Variants in SSC5D observed in about 807,000 individuals in gnomAD.
The protein encoded by SSC5D is scavenger receptor cysteine rich family member with 5 domains.
SSC5D carries 106 observed loss-of-function variants against 104.6 expected under a neutral mutation model. The observed-to-expected ratio is 1.01, with a 90% CI of 0.87 to 1.19. The LOEUF (loss-of-function observed/expected upper bound fraction) is 1.19. SSC5D is among the 50% of genes most tolerant of loss of function. The pLI is 0.00. For synonymous variants in SSC5D, 860 were observed against 883.5 expected, an observed-to-expected ratio of 0.97 and a Z score of 0.47; for missense variants, 1,993 against 2,153.8, an observed-to-expected ratio of 0.93 and a Z score of 1.48.
chr19:55,504,046 C>G, intron 12 of SSC5D: 2 of 1,454,580 alleles, frequency 1.4e-6, no homozygotes, highest in Non-Finnish European at 1.9e-6. Context: ...AGGAAGCAGG[C>G]CCTAGAGGCG....
At chr19:55,495,234 T>TATATATATATATATATATATATATAA (rs56232242) in intron 8 of SSC5D, among the ~76,000 whole-genome samples, 6 of 22,246 alleles carry the variant, frequency 2.7e-4, no homozygotes, top group African/African-American at 8.5e-4. Context: ...TATATATATA[T>TATATATATATATATATATATATATAA]TTTTTTTTTT....
intron 12 of SSC5D, chr19:55,504,024 G>T: frequency 7.9e-7 from 1 of 1,267,798 alleles, no homozygotes; most frequent in Non-Finnish European, 1.1e-6. Context: ...CTTGAGGTGG[G>T]GAAAGGGAGG....
Position 55,488,554 on chromosome 19 carries a change from T to A in SSC5D, c.-36T>A, listed in dbSNP as rs1987018970. ...CCTCCTCTTCTCTCCCCGCTCTCCT[T>A]CCCCTTTCACCCCATCCCCTGCCCT... On this transcript the variant is annotated 5_prime_UTR_variant, in exon 1 of 14. Transcript: ENST00000389623. 3 of 1,546,024 alleles carry A rather than the reference T, an allele frequency of 1.9e-6. No individual in the cohort carries two copies. The highest frequency in any genetic ancestry group is 1.7e-6 in the Non-Finnish European group (2 of 1,143,384).
intron 13 of SSC5D, 74 bp downstream of exon 13, chr19:55,513,246 C>A: frequency 7.4e-7 from 1 of 1,346,488 alleles, no homozygotes; most frequent in Non-Finnish European, 9.9e-7. Flanking sequence ...TCCAGACTCC[C>A]CACTGGAACC....
At chr19:55,495,733 T>C (rs1034788766) in intron 8 of SSC5D, among the ~76,000 whole-genome samples, 36 of 151,638 alleles carry the variant, frequency 2.4e-4, no homozygotes, top group Admixed American at 6.6e-5. Context: ...GGGGGAAGCA[T>C]GGCAGGAATC....
At position 55,494,629 on chromosome 19, in the gene SSC5D, C is replaced by T. The variant is rs553984789; in HGVS notation, c.1233C>T (p.Val411=). ...AVCDGMPLGY[V]PPTAPTDSNN... ...CCACAGGCATGCCCCTGGGCTACGT[C>T]CCTCCCACGGCCCCCACGGACAGCA... The change falls in exon 8 of 14, where the codon GTC becomes GTT. Residue 411 remains valine (V), a synonymous_variant. Coordinates refer to ENST00000389623, the MANE Select transcript of SSC5D (RefSeq NM_001144950.2). The T allele has an allele frequency of 4.5e-6, 7 of 1,541,674 alleles. No individual in the cohort carries two copies. In the East Asian group the frequency reaches 1.5e-4, roughly 33 times the overall value.
intron 12 of SSC5D, among the ~76,000 whole-genome samples, chr19:55,511,785 T>C (rs375860130): frequency 2.0e-5 from 3 of 152,096 alleles, no homozygotes; most frequent in Admixed American, 6.6e-5. Context: ...TGGGGACTCA[T>C]GGAAGGGTTT....
chr19:55,500,070 G>C lies in SSC5D; in HGVS notation c.1960G>C (p.Ala654Pro). ...PVMPTTKHSR[A>P]QSPPDLTSQT... Reference sequence around the variant, plus strand: ...GATGCCAACCACGAAACACTCCAGGGCCCAAAGCCCCCCAGACCTAACCTC... The same window carrying C: ...GATGCCAACCACGAAACACTCCAGGCCCCAAAGCCCCCCAGACCTAACCTC... The change falls in exon 10 of 14, where the codon GCC becomes CCC. Residue 654 changes from alanine (A) to proline (P), a missense_variant. By Grantham distance (27) the Ala-to-Pro change is conservative. Coordinates refer to ENST00000389623, the MANE Select transcript of SSC5D (RefSeq NM_001144950.2). The surrounding 1 kb of genome is among the most constrained non-coding windows in gnomAD (Gnocchi z 4.6). 6.4e-7 allele frequency: 1 copy of C among 1,551,468 alleles called. No individual in the cohort carries two copies. Among genetic ancestry groups the C allele is most frequent in the Non-Finnish European group, 8.7e-7 (1 of 1,146,920 alleles).
Position 55,500,907 on chromosome 19 carries a change from G to A in SSC5D, c.2617+103G>A, listed in dbSNP as rs546698527. ...CACCATGGTCGACTCTAAAGAACTG[G>A]GTATGAGGGGTCGGGGTGGGGAGAT... On this transcript the variant is annotated intron_variant, in intron 11 of 13. Transcript: ENST00000389623. This position sits in a 1 kb window ranked among gnomAD's most constrained non-coding sequence, Gnocchi z 4.6. 2.1e-5 allele frequency: 31 copies of A among 1,503,042 alleles called. No homozygotes were observed. The East Asian group carries it at 5.4e-4, about 26-fold the overall frequency. 93.1% of individuals were successfully genotyped at this position (1,503,042 alleles called of 1,614,324 possible).
chr19:55,514,047 G>A (rs73059248), intron 13 of SSC5D, among the ~76,000 whole-genome samples: 26,035 of 152,132 alleles, frequency 0.17, 2,364 homozygotes, highest in East Asian at 0.24. Context: ...GAGGATGTGG[G>A]AAGACAGGCA....
At chr19:55,488,957 A>AC in intron 1 of SSC5D, 49 bp from the exon 2 acceptor site, 4 of 898,550 alleles carry the variant, frequency 4.5e-6, no homozygotes, top group Non-Finnish European at 5.4e-6. Flanking sequence ...AGAAAGGGCC[A>AC]CCCCCGGCCT....
intron 7 of SSC5D, 33 bp downstream of exon 7, chr19:55,493,945 G>A: frequency 1.3e-6 from 2 of 1,494,188 alleles, no homozygotes; most frequent in Non-Finnish European, 1.8e-6. Flanking sequence ...CCGGGAGGTG[G>A]GCGTGGTGGT....
In SSC5D at chr19:55,499,816, G is replaced by A. The variant is rs2123442301; in HGVS notation, c.1706G>A (p.Gly569Glu). 6.5e-7 allele frequency: 1 copy of A among 1,548,884 alleles called. No individual in the cohort carries two copies. The highest frequency in any genetic ancestry group is 8.7e-7 in the Non-Finnish European group (1 of 1,145,072). ...HNEDVGVTCT[G>E]PPGLDSISDP... is the part of the protein sequence containing the mutation. ...TCTTCCTGCCCCACTCACCTTCCAG[G>A]GCCCCCAGGCCTGGACTCCATCTCA... The change falls in exon 10 of 14, where the codon GGG (glycine) becomes GAG (glutamate). Residue 569 changes from glycine to glutamate, a missense_variant and splice_region_variant. Physicochemically the swap from Gly to Glu is moderately conservative, Grantham distance 98. Transcript: ENST00000389623.
intron 12 of SSC5D, among the ~76,000 whole-genome samples, chr19:55,506,691 G>T (rs1987644633): frequency 1.3e-5 from 2 of 152,088 alleles, no homozygotes; most frequent in Admixed American, 1.3e-4. Flanking sequence ...ACCGCGCCCG[G>T]CCGGAGTTTG....
At chr19:55,491,482 T>G (rs992327516) in intron 6 of SSC5D, 1 of 179,406 alleles carries the variant, frequency 5.6e-6, no homozygotes, top group Non-Finnish European at 1.2e-5. Flanking sequence ...GGAGACCTCT[T>G]GTCTCTGTGG....
At chr19:55,504,523 C>T (rs1386748537) in intron 12 of SSC5D, among the ~76,000 whole-genome samples, 1 of 152,136 alleles carries the variant, frequency 6.6e-6, no homozygotes, top group Non-Finnish European at 1.5e-5. Context: ...TTTATTGAGA[C>T]GGAGTCTCGC....
intron 1 of SSC5D, 54 bp downstream of exon 1, chr19:55,488,668 C>T: frequency 6.7e-7 from 1 of 1,492,440 alleles, no homozygotes; most frequent in South Asian, 1.2e-5. Context: ...CCACCTCTGA[C>T]CCCTTAGCTT....
intron 13 of SSC5D, among the ~76,000 whole-genome samples, chr19:55,516,422 G>A (rs1341285238): frequency 2.0e-5 from 3 of 151,932 alleles, no homozygotes; most frequent in East Asian, 1.9e-4. Context: ...GTGTGAACCC[G>A]GGAGGCGGAG....
At chr19:55,511,553 T>C (rs1156533473) in intron 12 of SSC5D, among the ~76,000 whole-genome samples, 1 of 152,196 alleles carries the variant, frequency 6.6e-6, no homozygotes, top group Non-Finnish European at 1.5e-5. Flanking sequence ...ATGGCTGCTA[T>C]GAACTCCTTG....
Sources: gnomAD v4.1 joint callset for allele counts (sites outside exome capture counted in the v4.1 genomes callset) on GRCh38, gnomAD v4.1.1 for gene constraint, Gnocchi (gnomAD v3.1) non-coding constraint, MANE v1.5 for transcripts, NCBI Gene and HGNC (gene_info 2026-07-23, HGNC 2026-07-21) for gene names.